Variants in RPS29 observed in about 807,000 individuals in gnomAD.
RPS29 encodes the protein small ribosomal subunit protein uS14.
For missense variants in RPS29, 60 were observed against 75.7 expected, an observed-to-expected ratio of 0.79 and a Z score of 0.77; for synonymous variants, 37 against 26.9, an observed-to-expected ratio of 1.37 and a Z score of -1.16.
downstream of RPS29, among the ~76,000 whole-genome samples, chr14:49,582,032 A>AAAAC (rs1200046125): frequency 2.2e-5 from 3 of 136,950 alleles, no homozygotes; most frequent in African/African-American, 7.7e-5. Flanking sequence ...AAAAAAAAAA[A>AAAAC]AACTTAGTGA....
exon 3 of RPS29, chr14:49,573,075 AAAAAAG>A (rs1441929073): frequency 2.8e-5 from 3 of 105,308 alleles, no homozygotes; most frequent in Non-Finnish European, 6.7e-5. Context: ...CTCCAAAGAA[AAAAAAG>A]AAGAAAGAAA....
chr14:49,576,520 AC>A (rs1413051217), exon 3 of RPS29: 2 of 152,102 alleles, frequency 1.3e-5, no homozygotes, highest in Admixed American at 6.6e-5. Context: ...TCCCTAATAC[AC>A]CAATTACCAT....
chr14:49,577,768 C>T (rs779818333), exon 3 of RPS29: 1 of 1,520,524 alleles, frequency 6.6e-7, no homozygotes, highest in Non-Finnish European at 9.1e-7. Flanking sequence ...TGATCTTGGG[C>T]TTCGCGAGCG....
chr14:49,573,126 G>T (rs1881097551), exon 3 of RPS29: 1 of 150,144 alleles, frequency 6.7e-6, no homozygotes, highest in Non-Finnish European at 1.5e-5. Context: ...GAAAGAAAGA[G>T]AAAGAAAGAA....
chr14:49,575,724 A>C (rs1418202409), exon 3 of RPS29: 1 of 152,068 alleles, frequency 6.6e-6, no homozygotes, highest in Non-Finnish European at 1.5e-5. Context: ...TGTGGTGCAC[A>C]CTTATGGTCC....
At chr14:49,586,613 C>A, upstream of RPS29, 1 of 493,474 alleles carries the variant, frequency 2.0e-6, no homozygotes, top group Non-Finnish European at 3.7e-6. Flanking sequence ...GTAGTCCCAG[C>A]TACTCGGGAG....
At chr14:49,577,664 A>T in exon 3 of RPS29, 1 of 747,664 alleles carries the variant, frequency 1.3e-6, no homozygotes, top group Non-Finnish European at 2.4e-6. Context: ...CCTTCTATGA[A>T]CCCTGTTGTT....
chr14:49,577,608 T>C, exon 3 of RPS29: 1 of 693,538 alleles, frequency 1.4e-6, no homozygotes, highest in Non-Finnish European at 2.6e-6. Flanking sequence ...GCTTTGTCTT[T>C]TTGTTTCTCC....
intron 1 of RPS29, among the ~76,000 whole-genome samples, chr14:49,592,813 C>T (rs1881744384): frequency 6.6e-6 from 1 of 151,452 alleles, no homozygotes; most frequent in East Asian, 2.0e-4. Flanking sequence ...GAGGCTGAGA[C>T]AGGAGAATCG....
exon 3 of RPS29, chr14:49,576,302 G>A (rs868492628): frequency 1.1e-4 from 16 of 151,808 alleles, no homozygotes; most frequent in African/African-American, 3.9e-4. Flanking sequence ...GGGATCTCCT[G>A]ATGTTGCCCA....
At position 49,585,859 on chromosome 14, in the gene RPS29, G is replaced by A. The variant is rs1881527865; in HGVS notation, c.162+91C>T. 5 of 978,570 alleles carry A rather than the reference G, an allele frequency of 5.1e-6. No homozygotes were observed. In the East Asian group the frequency reaches 9.6e-5, roughly 19 times the overall value. 60.6% of individuals were successfully genotyped at this position (978,570 alleles called of 1,614,324 possible). ...TCGAATGCTCAGAATTACCACTCCA[G>A]GGAAGATCTGTCCGTTTGTCTTTCG... is the stretch of plus-strand genomic sequence containing the variant. On this transcript the variant is annotated intron_variant, in intron 2 of 2. Transcript: ENST00000245458.
At chr14:49,595,204 TA>T (rs199734896) in intron 1 of RPS29, among the ~76,000 whole-genome samples, 30 of 147,976 alleles carry the variant, frequency 2.0e-4, no homozygotes, top group East Asian at 1.4e-3. Context: ...TGTTTACCAC[TA>T]AAAAAAAAAC....
downstream of RPS29, among the ~76,000 whole-genome samples, chr14:49,579,972 C>T (rs1881290617): frequency 6.6e-6 from 1 of 152,100 alleles, no homozygotes; most frequent in East Asian, 1.9e-4. Context: ...GAAAAGTACT[C>T]TAAGACTGGA....
intron 1 of RPS29, among the ~76,000 whole-genome samples, chr14:49,595,704 AT>A (rs1342575314): frequency 6.6e-6 from 1 of 151,994 alleles, no homozygotes; most frequent in Non-Finnish European, 1.5e-5. Flanking sequence ...ATGACTACAA[AT>A]GAAAAGTTGA....
chr14:49,593,245 T>C (rs964967320), intron 1 of RPS29, among the ~76,000 whole-genome samples: 2 of 152,232 alleles, frequency 1.3e-5, no homozygotes, highest in African/African-American at 4.8e-5. Flanking sequence ...GAGTACCGAC[T>C]GCATATAACC....
chr14:49,598,269 T>A (rs1306952021), intron 1 of RPS29: 1 of 593,956 alleles, frequency 1.7e-6, no homozygotes, highest in African/African-American at 1.9e-5. Context: ...CCCAGGCGCT[T>A]CCCACTCCCC....
chr14:49,581,594 A>C (rs1366033642), downstream of RPS29, among the ~76,000 whole-genome samples: 2 of 152,114 alleles, frequency 1.3e-5, no homozygotes, highest in African/African-American at 4.8e-5. Flanking sequence ...ACACCCGGCT[A>C]ATTTTCTCTT....
intron 1 of RPS29, chr14:49,597,835 G>A (rs1394662145): frequency 6.6e-6 from 1 of 151,722 alleles, no homozygotes; most frequent in Non-Finnish European, 1.5e-5. Flanking sequence ...TTTTCTTAGA[G>A]ACTGGGTTTT....
chr14:49,586,786 C>T, upstream of RPS29: 1 of 225,384 alleles, frequency 4.4e-6, no homozygotes. Flanking sequence ...GGAAACGGAG[C>T]AGGTCAAAAC....
Sources: gnomAD v4.1 joint callset for allele counts (sites outside exome capture counted in the v4.1 genomes callset) on GRCh38, gnomAD v4.1.1 for gene constraint, MANE v1.5 for transcripts, NCBI Gene and HGNC (gene_info 2026-07-23, HGNC 2026-07-21) for gene names.